The following ABCC1 variants were observed in gnomAD, a reference collection of about 807,000 sequenced individuals.
ABCC1 encodes the protein multidrug resistance-associated protein 1.
ABCC1 carries 83 observed loss-of-function variants against 172.9 expected under a neutral mutation model. The ratio of observed to expected loss-of-function variants is 0.48; its 90% CI spans 0.40 to 0.58. The LOEUF is 0.58. Among genes scored for constraint, ABCC1 ranks in the 20% least tolerant of loss-of-function variants. The pLI is 0.00. For synonymous variants in ABCC1, 937 were observed against 825.2 expected, an observed-to-expected ratio of 1.14 and a Z score of -2.32; for missense variants, 1,817 against 2,002.7, an observed-to-expected ratio of 0.91 and a Z score of 1.77.
At chr16:15,954,992 G>A (rs1231780735) in intron 1 of ABCC1, among the ~76,000 whole-genome samples, 1 of 152,038 alleles carries the variant, frequency 6.6e-6, no homozygotes, top group African/African-American at 2.4e-5. Flanking sequence ...TGCCTCAAAC[G>A]GGCTGCTTTT....
At chr16:16,014,870 C>T (rs1471948319) in intron 4 of ABCC1, among the ~76,000 whole-genome samples, 1 of 152,208 alleles carries the variant, frequency 6.6e-6, no homozygotes. Context: ...CCAAGGGGCT[C>T]CCATGGGACC....
At chr16:15,993,250 A>G (rs2151640449) in intron 1 of ABCC1, among the ~76,000 whole-genome samples, 1 of 152,308 alleles carries the variant, frequency 6.6e-6, no homozygotes, top group Non-Finnish European at 1.5e-5. Context: ...GAATGAATGC[A>G]TGACAGGAAC....
At chr16:15,997,503 T>C (rs1254256139) in intron 1 of ABCC1, among the ~76,000 whole-genome samples, 3 of 152,138 alleles carry the variant, frequency 2.0e-5, no homozygotes, top group Non-Finnish European at 4.4e-5. Flanking sequence ...GTGGCTGAAT[T>C]GTGTGTCTGG....
chr16:16,110,365 T>C (rs1233811709), intron 21 of ABCC1, among the ~76,000 whole-genome samples: 1 of 152,218 alleles, frequency 6.6e-6, no homozygotes, highest in East Asian at 1.9e-4. Flanking sequence ...ATTACAGGTG[T>C]GTGAGCCACG....
intron 23 of ABCC1, among the ~76,000 whole-genome samples, chr16:16,118,413 A>T (rs1304719542): frequency 4.9e-5 from 7 of 143,172 alleles, no homozygotes; most frequent in African/African-American, 1.8e-4. Flanking sequence ...TCCTCTTGAA[A>T]TTGGTGCCAG....
At position 16,134,336 on chromosome 16, in the gene ABCC1, C is replaced by T. The variant is rs762944764; in HGVS notation, c.3967-14C>T. 6.2e-7 allele frequency: 1 copy of T among 1,613,818 alleles called. No homozygotes were observed. The highest frequency in any genetic ancestry group is 8.5e-7 in the Non-Finnish European group (1 of 1,180,042). ...CCAGCATTCCCACCACACCTGGGCC[C>T]TTCTGTCCTGCAGGTCGGCATCGTG... is the stretch of plus-strand genomic sequence containing the variant. On this transcript the variant is annotated splice_polypyrimidine_tract_variant and intron_variant, in intron 27 of 30. Coordinates refer to ENST00000399410, the MANE Select transcript of ABCC1 (RefSeq NM_004996.4).
intron 1 of ABCC1, among the ~76,000 whole-genome samples, chr16:15,950,905 C>G (rs1465762862): frequency 6.6e-6 from 1 of 152,044 alleles, no homozygotes; most frequent in Non-Finnish European, 1.5e-5. Flanking sequence ...CTCCAGGGCC[C>G]CATTGGAGGG....
intron 1 of ABCC1, among the ~76,000 whole-genome samples, chr16:15,971,192 C>G (rs979605035): frequency 3.3e-5 from 5 of 152,136 alleles, no homozygotes; most frequent in African/African-American, 2.4e-5. Context: ...TTGCATAGGC[C>G]TCAGGGGATT....
chr16:16,018,401 T>A (rs530417320), intron 5 of ABCC1, among the ~76,000 whole-genome samples: 1 of 151,898 alleles, frequency 6.6e-6, no homozygotes, highest in African/African-American at 2.4e-5. Context: ...ATACAAAAAT[T>A]AGCCAGGCAT....
intron 14 of ABCC1, among the ~76,000 whole-genome samples, chr16:16,075,899 T>A (rs1321769207): frequency 6.6e-6 from 1 of 152,098 alleles, no homozygotes; most frequent in African/African-American, 2.4e-5. Flanking sequence ...GCCACCCCAG[T>A]GGAGAGAGGT....
intron 16 of ABCC1, among the ~76,000 whole-genome samples, chr16:16,082,799 C>A (rs548406892): frequency 6.6e-6 from 1 of 152,170 alleles, no homozygotes; most frequent in Non-Finnish European, 1.5e-5. Flanking sequence ...AGATGCACAG[C>A]GCCATGCCTG....
At chr16:16,139,227 G>T (rs908112310) in intron 30 of ABCC1, among the ~76,000 whole-genome samples, 2 of 152,178 alleles carry the variant, frequency 1.3e-5, no homozygotes, top group African/African-American at 2.4e-5. Flanking sequence ...CCAAGGAGAC[G>T]GGATAGCGAG....
intron 1 of ABCC1, among the ~76,000 whole-genome samples, chr16:15,974,658 T>C (rs2046444241): frequency 6.6e-6 from 1 of 152,104 alleles, no homozygotes; most frequent in East Asian, 1.9e-4. Context: ...GATGTTAGGA[T>C]ATAAAAATGT....
At chr16:15,956,944 A>G (rs1001449516) in intron 1 of ABCC1, among the ~76,000 whole-genome samples, 6 of 152,158 alleles carry the variant, frequency 3.9e-5, no homozygotes, top group Non-Finnish European at 8.8e-5. Flanking sequence ...AATGAATGAC[A>G]TGAAGTATTA....
intron 3 of ABCC1, among the ~76,000 whole-genome samples, chr16:16,012,971 C>A (rs1428206410): frequency 2.0e-5 from 3 of 152,138 alleles, no homozygotes; most frequent in Non-Finnish European, 4.4e-5. Flanking sequence ...GCGTGAGCAA[C>A]TGTGCCTGGC....
intron 17 of ABCC1, among the ~76,000 whole-genome samples, chr16:16,085,960 CCTGGTGA>C (rs1231579035): frequency 6.6e-6 from 1 of 152,162 alleles, no homozygotes; most frequent in African/African-American, 2.4e-5. Flanking sequence ...TGTCCTTCCT[CCTGGTGA>C]CTGGGATGTG....
chr16:16,031,643 C>G (rs2048561699), intron 5 of ABCC1, among the ~76,000 whole-genome samples: 1 of 152,172 alleles, frequency 6.6e-6, no homozygotes. Flanking sequence ...CCTTTGCACA[C>G]ACTGCTGTCT....
At chr16:16,107,843 T>C (rs2052202372) in intron 21 of ABCC1, among the ~76,000 whole-genome samples, 1 of 151,152 alleles carries the variant, frequency 6.6e-6, no homozygotes, top group African/African-American at 2.4e-5. Context: ...TTAAAGGGAA[T>C]GGAATTTTTA....
chr16:15,949,289 C>G (rs1176379825), upstream of ABCC1, among the ~76,000 whole-genome samples: 1 of 152,068 alleles, frequency 6.6e-6, no homozygotes, highest in African/African-American at 2.4e-5. Flanking sequence ...GTTATTTTCC[C>G]CTGGTGACGG....
Sources: gnomAD v4.1 joint callset for allele counts (sites outside exome capture counted in the v4.1 genomes callset) on GRCh38, gnomAD v4.1.1 for gene constraint, MANE v1.5 for transcripts, NCBI Gene and HGNC (gene_info 2026-07-23, HGNC 2026-07-21) for gene names.